Variants in FAM83A observed in about 807,000 individuals in gnomAD.
The protein encoded by FAM83A is scaffolding CK1 anchoring protein A.
In FAM83A, 21 loss-of-function variants were observed where a neutral mutation model predicts 24.4. The observed-to-expected ratio is 0.86, with a 90% CI of 0.61 to 1.24. FAM83A has a LOEUF of 1.24. FAM83A is among the 50% of genes most tolerant of loss of function. The probability of loss-of-function intolerance (pLI) is 0.00; values close to 1 mark genes in which losing one functional copy is unlikely to be tolerated. For synonymous variants in FAM83A, 270 were observed against 252.4 expected, an observed-to-expected ratio of 1.07 and a Z score of -0.66; for missense variants, 617 against 579.8, an observed-to-expected ratio of 1.06 and a Z score of -0.66.
At chr8:123,193,899 G>A (rs1042038964) in intron 2 of FAM83A, 125 bp from the exon 3 acceptor site, 44 of 1,227,250 alleles carry the variant, frequency 3.6e-5, no homozygotes, top group African/African-American at 2.0e-4. Context: ...TTCTAGTACC[G>A]TCACCCTGGG....
chr8:123,191,734 A>T lies in FAM83A; in HGVS notation c.481-69A>T, dbSNP rs570290394. On this transcript the variant is annotated intron_variant, in intron 1 of 3. Transcript: ENST00000690554. Reference sequence around the variant, plus strand: ...CTCCCAGGCCCACTGGGACTCAGGCAGTTTGGGTGAAACCAGTTAGCACCT... The same window carrying T: ...CTCCCAGGCCCACTGGGACTCAGGCTGTTTGGGTGAAACCAGTTAGCACCT... The T allele has an allele frequency of 9.0e-6, 14 of 1,548,686 alleles. No individual in the cohort carries two copies. In the South Asian group the frequency reaches 1.4e-4, roughly 16 times the overall value.
chr8:123,194,227 C>G, intron 3 of FAM83A, 79 bp downstream of exon 3: 1 of 1,568,258 alleles, frequency 6.4e-7, no homozygotes, highest in Non-Finnish European at 8.7e-7. Context: ...TCCCGCTGCT[C>G]AGACACAAAC....
intron 3 of FAM83A, 89 bp downstream of exon 3, chr8:123,194,237 C>G: frequency 6.5e-7 from 1 of 1,550,334 alleles, no homozygotes; most frequent in Non-Finnish European, 8.8e-7. Context: ...CAGACACAAA[C>G]ACCCCCAGCA....
At chr8:123,194,898 C>T (rs1440066597) in intron 3 of FAM83A, among the ~76,000 whole-genome samples, 3 of 152,174 alleles carry the variant, frequency 2.0e-5, no homozygotes, top group African/African-American at 7.2e-5. Context: ...TGTGTTTAGA[C>T]CCTCACACAT....
intron 3 of FAM83A, among the ~76,000 whole-genome samples, chr8:123,203,244 T>C (rs1016935290): frequency 6.8e-6 from 1 of 147,932 alleles, no homozygotes; most frequent in Non-Finnish European, 1.5e-5. Flanking sequence ...GCAGTGACCA[T>C]AAAAGTTTGC....
rs1294170952 is a variant in FAM83A, at chr8:123,194,873, C to T, written c.773+725C>T. Reference sequence around the variant, plus strand: ...TTGGGATTACAGGCATGAGCCCCTGCGCCCAGCCTCAATTTGTGTTTAGAC... The same window carrying T: ...TTGGGATTACAGGCATGAGCCCCTGTGCCCAGCCTCAATTTGTGTTTAGAC... On this transcript the variant is annotated intron_variant, in intron 3 of 3. Coordinates refer to ENST00000690554, the Ensembl canonical transcript of FAM83A. Among the ~76,000 whole-genome samples, 4 of 152,236 alleles carry T rather than the reference C, an allele frequency of 2.6e-5. No homozygotes were observed. The East Asian group carries it at 5.8e-4, about 22-fold the overall frequency.
intron 3 of FAM83A, among the ~76,000 whole-genome samples, chr8:123,194,863 T>C (rs1474006077): frequency 6.6e-6 from 1 of 152,202 alleles, no homozygotes; most frequent in African/African-American, 2.4e-5. Flanking sequence ...ATTACAGGCA[T>C]GAGCCCCTGC....
In FAM83A at chr8:123,195,702, C is replaced by A. The variant is rs1261967469; in HGVS notation, c.773+1554C>A. ...CCACCTTCTGTCTCATAGACTGCTG[C>A]CTTTTCACTGTGTGACACAGTGAAA... On this transcript the variant is annotated intron_variant, in intron 3 of 3. Transcript: ENST00000690554. Among the ~76,000 whole-genome samples, 3 of 152,230 alleles carry A rather than the reference C, an allele frequency of 2.0e-5. No individual in the cohort carries two copies. The East Asian group carries it at 5.8e-4, about 29-fold the overall frequency.
At chr8:123,191,319 C>T (rs1460916605) in intron 1 of FAM83A, among the ~76,000 whole-genome samples, 2 of 152,158 alleles carry the variant, frequency 1.3e-5, no homozygotes, top group African/African-American at 4.8e-5. Flanking sequence ...GCTCTAGGCG[C>T]TTATATACGG....
exon 4 of FAM83A, chr8:123,207,789 G>A: frequency 7.1e-7 from 1 of 1,405,512 alleles, no homozygotes; most frequent in Non-Finnish European, 9.2e-7. Context: ...ACTTCCCTTT[G>A]AAAAGACACT....
In FAM83A at chr8:123,209,061, A is replaced by T. The variant is rs370992907; in HGVS notation, c.*1373A>T. 42 of 997,970 alleles carry T rather than the reference A, an allele frequency of 4.2e-5. 1 individual carries two copies. In the South Asian group the frequency reaches 1.7e-3, roughly 40 times the overall value. The allele number at this position is 997,970 out of a possible 1,614,324, so 61.8% of individuals were successfully genotyped here. On this transcript the variant is annotated 3_prime_UTR_variant, in exon 4 of 4. Transcript: ENST00000690554. The surrounding 1 kb of genome is among the most constrained non-coding windows in gnomAD (Gnocchi z 4.7). ...ACACTTCCCAGATAAAGTAAGAGTTAACCCTGCACCTCAGGTGTGATAGTG... is the reference window on the plus strand; with the variant it reads ...ACACTTCCCAGATAAAGTAAGAGTTTACCCTGCACCTCAGGTGTGATAGTG...
chr8:123,202,033 C>T (rs1824375575), intron 3 of FAM83A: 1 of 152,406 alleles, frequency 6.6e-6, no homozygotes, highest in Admixed American at 6.5e-5. Flanking sequence ...GGATGGGGAA[C>T]AACAGCAAGA....
At chr8:123,207,834 C>T in exon 4 of FAM83A, 1 of 1,390,572 alleles carries the variant, frequency 7.2e-7, no homozygotes, top group Non-Finnish European at 9.3e-7. Flanking sequence ...TTCCCAGGCC[C>T]CAGGCCATCC....
chr8:123,191,821 G>T lies in FAM83A; in HGVS notation c.499G>T (p.Asp167Tyr), dbSNP rs566046253. The change falls in exon 2 of 4, where the codon GAT becomes TAT. Residue 167 changes from aspartate (D) to tyrosine (Y), a missense_variant. By Grantham distance (160) the Asp-to-Tyr change is radical. Coordinates refer to ENST00000690554, the Ensembl canonical transcript of FAM83A. ...GGCCCAGGTCCTGGTCATCCTGATGGATGTGTTCACGGATGTGGAGATCTT... is the reference window on the plus strand; with the variant it reads ...GGCCCAGGTCCTGGTCATCCTGATGTATGTGTTCACGGATGTGGAGATCTT... The T allele has an allele frequency of 2.6e-5, 42 of 1,613,980 alleles. No individual in the cohort carries two copies. In the South Asian group the frequency reaches 4.4e-4, roughly 17 times the overall value.
chr8:123,205,091 G>A (rs773513110), intron 3 of FAM83A, among the ~76,000 whole-genome samples: 10 of 151,894 alleles, frequency 6.6e-5, no homozygotes, highest in Admixed American at 1.3e-4. Flanking sequence ...CAGCCTGGGC[G>A]ACAGAGCAAG....
chr8:123,209,412 T>A lies in FAM83A; in HGVS notation c.*1724T>A. 2 of 1,612,944 alleles carry A rather than the reference T, an allele frequency of 1.2e-6. No homozygotes were observed. The highest frequency in any genetic ancestry group is 1.7e-6 in the Non-Finnish European group (2 of 1,179,144). On this transcript the variant is annotated 3_prime_UTR_variant, in exon 4 of 4. Coordinates refer to ENST00000690554, the Ensembl canonical transcript of FAM83A. The surrounding 1 kb of genome is among the most constrained non-coding windows in gnomAD (Gnocchi z 4.7). ...AATTATTGTATTCCTGTCCTTCACT[T>A]TTTTCCTCCTTAGTTCCTGAAAGTA... is the stretch of plus-strand genomic sequence containing the variant.
Position 123,183,109 on chromosome 8 carries a change from C to T in FAM83A, c.253C>T (p.Leu85=), listed in dbSNP as rs143528210. 67 of 1,613,936 alleles carry T rather than the reference C, an allele frequency of 4.2e-5. 1 individual carries two copies. The African/African-American group carries it at 7.7e-4, about 19-fold the overall frequency. The change falls in exon 1 of 4, where the codon CTG becomes TTG. Residue 85 remains leucine (L), a synonymous_variant. Transcript: ENST00000690554. ...GGAGCCCCCGTGTCCCCCAGACACCCTGGGAGGGGCGGAAGCAGGCCCTAA... is the reference window on the plus strand; with the variant it reads ...GGAGCCCCCGTGTCCCCCAGACACCTTGGGAGGGGCGGAAGCAGGCCCTAA...
intron 3 of FAM83A, chr8:123,202,748 C>T (rs1044562345): frequency 6.6e-6 from 1 of 152,466 alleles, no homozygotes; most frequent in Non-Finnish European, 1.5e-5. Flanking sequence ...TGATGTCTAG[C>T]ATTTTTTTTA....
intron 3 of FAM83A, among the ~76,000 whole-genome samples, chr8:123,203,444 C>T (rs767104049): frequency 2.2e-4 from 34 of 151,384 alleles, no homozygotes; most frequent in Non-Finnish European, 3.8e-4. Flanking sequence ...AAAAATTAGC[C>T]GAGTGTGGTG....
Sources: gnomAD v4.1 joint callset for allele counts (sites outside exome capture counted in the v4.1 genomes callset) on GRCh38, gnomAD v4.1.1 for gene constraint, Gnocchi (gnomAD v3.1) non-coding constraint, MANE v1.5 for transcripts, NCBI Gene and HGNC (gene_info 2026-07-23, HGNC 2026-07-21) for gene names.